Variants in MED12L observed in about 807,000 individuals in gnomAD.
MED12L encodes mediator of RNA polymerase II transcription subunit 12-like protein.
A neutral mutation model predicts 281.3 loss-of-function variants in MED12L; 60 were observed. The observed-to-expected ratio is 0.21, with a 90% CI of 0.17 to 0.26. The LOEUF is 0.26. MED12L is among the 10% of genes least tolerant of loss of function. The pLI is 1.00. For synonymous variants in MED12L, 974 were observed against 987.2 expected, an observed-to-expected ratio of 0.99 and a Z score of 0.25; for missense variants, 2,146 against 2,680.9, an observed-to-expected ratio of 0.80 and a Z score of 4.41.
At chr3:151,428,039 T>C (rs1315301689) in intron 43 of MED12L, among the ~76,000 whole-genome samples, 1 of 152,228 alleles carries the variant, frequency 6.6e-6, no homozygotes, top group Non-Finnish European at 1.5e-5. Context: ...CTACCTGATA[T>C]AATTATTCAT....
chr3:151,116,623 G>A (rs531341972), intron 3 of MED12L, among the ~76,000 whole-genome samples, 181 bp downstream of exon 3: 2 of 152,206 alleles, frequency 1.3e-5, no homozygotes, highest in East Asian at 1.9e-4. Flanking sequence ...GCATTTCCTT[G>A]TCACATCTTT....
intron 3 of MED12L, 54 bp from the exon 4 acceptor site, chr3:151,122,728 AC>A: frequency 6.3e-6 from 8 of 1,261,736 alleles, no homozygotes; most frequent in Non-Finnish European, 8.8e-6. Flanking sequence ...AATGTACAGT[AC>A]TAAGCTACTT....
chr3:151,169,027 T>G (rs1477698796), intron 11 of MED12L, among the ~76,000 whole-genome samples: 1 of 151,572 alleles, frequency 6.6e-6, no homozygotes, highest in East Asian at 1.9e-4. Context: ...GGTATATGCA[T>G]CAAGGTATAT....
chr3:151,119,723 A>G (rs567264324), intron 3 of MED12L, among the ~76,000 whole-genome samples: 1 of 152,296 alleles, frequency 6.6e-6, no homozygotes, highest in East Asian at 1.9e-4. Context: ...AACTAAGTAA[A>G]TGGAAATAAC....
At chr3:151,251,868 C>G (rs1231978394) in intron 16 of MED12L, among the ~76,000 whole-genome samples, 1 of 152,142 alleles carries the variant, frequency 6.6e-6, no homozygotes, top group African/African-American at 2.4e-5. Flanking sequence ...GCCACCTGAT[C>G]TGTTTATATC....
chr3:151,282,747 G>A (rs973201314), intron 16 of MED12L, among the ~76,000 whole-genome samples: 6 of 152,092 alleles, frequency 3.9e-5, no homozygotes. Flanking sequence ...GTAATGTCGG[G>A]GATCCAAAAT....
intron 16 of MED12L, among the ~76,000 whole-genome samples, chr3:151,232,690 A>G (rs1002768244): frequency 3.9e-5 from 6 of 152,218 alleles, no homozygotes; most frequent in Non-Finnish European, 8.8e-5. Context: ...AAAGGAACAG[A>G]AAACCAAATA....
chr3:151,104,477 C>T (rs1258797026), intron 2 of MED12L, among the ~76,000 whole-genome samples: 4 of 152,224 alleles, frequency 2.6e-5, no homozygotes, highest in East Asian at 3.9e-4. Flanking sequence ...AGTCAGCGGC[C>T]GAGATGTCTG....
chr3:151,206,933 C>T (rs180755698), intron 16 of MED12L, among the ~76,000 whole-genome samples: 3 of 152,104 alleles, frequency 2.0e-5, no homozygotes, highest in Non-Finnish European at 4.4e-5. Context: ...TGTGAGCCAC[C>T]GTGCCCGGCC....
Position 151,188,367 on chromosome 3 carries a change from C to T in MED12L, c.1640C>T (p.Ser547Leu). The T allele has an allele frequency of 6.2e-7, 1 of 1,604,316 alleles. No individual in the cohort carries two copies. Among genetic ancestry groups the T allele is most frequent in the Non-Finnish European group, 8.5e-7 (1 of 1,171,420 alleles). Residue 547 changes from serine to leucine, a missense_variant, in exon 13 of 45, where the codon TCA (serine) becomes TTA (leucine). By Grantham distance (145) the Ser-to-Leu change is moderately radical. This residue lies in a region of MED12L where 722 missense variants were observed against 861.2 expected (regional missense o/e 0.84). Transcript: ENST00000687756. ...AEIEAERCGE[S>L]EVLDEKESIS... ...TTTAATCTGTAGAGATGTGGTGAAT[C>T]AGAAGTCTTAGATGAGAAGGAGTCT...
rs778744859 is a variant in MED12L, at chr3:151,185,469, C to T, written c.1626+8C>T. ...GCAGAAATTGAGGCAGAGGTAGGTTCCATTTTCTTTCTGCTTGTTGAATGC... is the reference window on the plus strand; with the variant it reads ...GCAGAAATTGAGGCAGAGGTAGGTTTCATTTTCTTTCTGCTTGTTGAATGC... On this transcript the variant is annotated splice_region_variant and intron_variant, in intron 12 of 44. Coordinates refer to ENST00000687756, the MANE Select transcript of MED12L (RefSeq NM_001393769.1). 13 of 1,613,192 alleles carry T rather than the reference C, an allele frequency of 8.1e-6. No individual in the cohort carries two copies. Among genetic ancestry groups the T allele is most frequent in the Non-Finnish European group, 1.1e-5 (13 of 1,179,694 alleles).
intron 16 of MED12L, among the ~76,000 whole-genome samples, chr3:151,332,619 T>C (rs1039993782): frequency 2.6e-5 from 4 of 152,318 alleles, no homozygotes; most frequent in South Asian, 2.1e-4. Context: ...TACAAACATA[T>C]ATAGTAGAAA....
chr3:151,406,863 C>T (rs796621894), intron 39 of MED12L, among the ~76,000 whole-genome samples: 4 of 148,910 alleles, frequency 2.7e-5, no homozygotes, highest in South Asian at 2.1e-4. Context: ...TGCAGTGGCA[C>T]GATCTTGGCT....
At chr3:151,417,486 CCTTTTTTTTT>C (rs1304736836) in intron 43 of MED12L, among the ~76,000 whole-genome samples, 1 of 56,156 alleles carries the variant, frequency 1.8e-5, no homozygotes, top group Non-Finnish European at 3.9e-5. Context: ...TCCCCCCCCG[CCTTTTTTTTT>C]TTTTTTTTTT....
At chr3:151,312,036 C>T (rs1456683804) in intron 16 of MED12L, among the ~76,000 whole-genome samples, 2 of 74,866 alleles carry the variant, frequency 2.7e-5, no homozygotes, top group Non-Finnish European at 5.0e-5. Context: ...AGCGAGACTC[C>T]GTCTCAAAAA....
At chr3:151,112,030 G>A (rs1236420481) in intron 2 of MED12L, among the ~76,000 whole-genome samples, 2 of 152,056 alleles carry the variant, frequency 1.3e-5, no homozygotes, top group African/African-American at 4.8e-5. Context: ...AGTATTTTTT[G>A]TATGATTTTA....
intron 16 of MED12L, among the ~76,000 whole-genome samples, chr3:151,237,352 T>TTC (rs1553753082): frequency 4.0e-5 from 5 of 126,356 alleles, no homozygotes; most frequent in Non-Finnish European, 8.0e-5. Context: ...TTTTTTTTCT[T>TTC]TTTTTTTTTT....
At chr3:151,195,184 G>A (rs925074094) in intron 16 of MED12L, among the ~76,000 whole-genome samples, 1 of 152,040 alleles carries the variant, frequency 6.6e-6, no homozygotes, top group African/African-American at 2.4e-5. Context: ...AGTAATTGTA[G>A]ATGTATTACG....
chr3:151,363,110 G>T (rs1040299749), intron 21 of MED12L, among the ~76,000 whole-genome samples: 1 of 152,040 alleles, frequency 6.6e-6, no homozygotes, highest in Admixed American at 6.6e-5. Context: ...GGGGTGTGTG[G>T]AAATTTAGGG....
Sources: gnomAD v4.1 joint callset for allele counts (sites outside exome capture counted in the v4.1 genomes callset) on GRCh38, gnomAD v4.1.1 for gene constraint, gnomAD v4.1.1 regional missense constraint, MANE v1.5 for transcripts, NCBI Gene and HGNC (gene_info 2026-07-23, HGNC 2026-07-21) for gene names.